The following CMIP variants were observed in gnomAD, a reference collection of about 807,000 sequenced individuals.
The protein encoded by CMIP is C-Maf-inducing protein.
In CMIP, 13 loss-of-function variants were observed where a neutral mutation model predicts 97.3. The observed-to-expected ratio is 0.13, with a 90% CI of 0.09 to 0.21. The LOEUF is 0.21. Among genes scored for constraint, CMIP ranks in the 10% least tolerant of loss-of-function variants. CMIP has a pLI of 1.00. For missense variants in CMIP, 847 were observed against 1,024.9 expected (o/e 0.83, Z 2.37); for synonymous variants, 538 against 436.3 (o/e 1.23, Z -2.91).
chr16:81,661,423 C>T (rs1251792014), intron 6 of CMIP, among the ~76,000 whole-genome samples: 1 of 152,266 alleles, frequency 6.6e-6, no homozygotes, highest in African/African-American at 2.4e-5. Context: ...TCACATAGGA[C>T]ATGTCCAGGG....
At chr16:81,671,436 T>C (rs2092682340) in intron 8 of CMIP, among the ~76,000 whole-genome samples, 1 of 152,246 alleles carries the variant, frequency 6.6e-6, no homozygotes, top group Admixed American at 6.5e-5. Flanking sequence ...AGTAACTATG[T>C]TGGTGACTCT....
intron 1 of CMIP, among the ~76,000 whole-genome samples, chr16:81,595,330 A>C (rs1203153881): frequency 6.6e-6 from 1 of 151,266 alleles, no homozygotes; most frequent in Non-Finnish European, 1.5e-5. Context: ...GAATCATACA[A>C]TGTGTGGTCT....
intron 9 of CMIP, among the ~76,000 whole-genome samples, chr16:81,675,522 A>G (rs986894454): frequency 6.6e-6 from 1 of 152,056 alleles, no homozygotes; most frequent in Non-Finnish European, 1.5e-5. Context: ...CCCGTGTACA[A>G]TGTTTTTGTA....
chr16:81,543,709 C>G (rs1425195353), intron 1 of CMIP, among the ~76,000 whole-genome samples: 4 of 152,180 alleles, frequency 2.6e-5, no homozygotes, highest in African/African-American at 9.7e-5. Context: ...GCTTCTATAT[C>G]AGGCCTAACA....
chr16:81,597,759 A>G (rs570463920), intron 1 of CMIP, among the ~76,000 whole-genome samples: 5 of 152,244 alleles, frequency 3.3e-5, no homozygotes, highest in Admixed American at 2.6e-4. Flanking sequence ...TGGACACTCA[A>G]CTGTCAAAGA....
Position 81,652,147 on chromosome 16 carries a change from C to T in CMIP, c.478-56C>T. ...ATCTGATTCTTTGATTGTCTTCCAT[C>T]TTCTGCCTTCCTTACGTGAGTAACA... On this transcript the variant is annotated intron_variant, in intron 3 of 20. Transcript: ENST00000537098. The surrounding 1 kb of genome is among the most constrained non-coding windows in gnomAD (Gnocchi z 5.2). 1.4e-6 allele frequency: 2 copies of T among 1,419,934 alleles called. No individual in the cohort carries two copies. Among genetic ancestry groups the T allele is most frequent in the Non-Finnish European group, 9.9e-7 (1 of 1,011,062 alleles). 88.0% of individuals were successfully genotyped at this position (1,419,934 alleles called of 1,614,324 possible). A position where few individuals can be genotyped will look rare whatever the true frequency, so the allele number is the denominator to read the frequency against.
chr16:81,628,374 C>G (rs763237535), intron 3 of CMIP, among the ~76,000 whole-genome samples: 1 of 152,234 alleles, frequency 6.6e-6, no homozygotes, highest in Non-Finnish European at 1.5e-5. Flanking sequence ...ACCCCAAGGC[C>G]TTAGCACAAG....
intron 1 of CMIP, among the ~76,000 whole-genome samples, chr16:81,589,211 G>T (rs965516517): frequency 6.6e-6 from 1 of 151,824 alleles, no homozygotes; most frequent in African/African-American, 2.4e-5. Context: ...ATTCTCCTGC[G>T]TCAGCTTCCC....
chr16:81,541,351 G>C (rs1001133433), intron 1 of CMIP, among the ~76,000 whole-genome samples: 9 of 152,128 alleles, frequency 5.9e-5, no homozygotes, highest in Non-Finnish European at 8.8e-5. Flanking sequence ...AGTCTTTTTG[G>C]AGATGTGTTT....
chr16:81,513,985 AC>A (rs2089862254), intron 1 of CMIP, among the ~76,000 whole-genome samples: 1 of 152,206 alleles, frequency 6.6e-6, no homozygotes, highest in African/African-American at 2.4e-5. Context: ...CCCAAAACAG[AC>A]CATGGGGTTT....
intron 1 of CMIP, among the ~76,000 whole-genome samples, chr16:81,527,681 C>T (rs1365191170): frequency 6.6e-6 from 1 of 152,230 alleles, no homozygotes. Context: ...TTCAACTTTA[C>T]AGAAAGCAAA....
At chr16:81,699,614 C>G (rs1046971799) in intron 14 of CMIP, 71 bp from the exon 15 acceptor site, 5 of 1,023,872 alleles carry the variant, frequency 4.9e-6, no homozygotes, top group Non-Finnish European at 4.5e-6. Context: ...CTTGGGCTCA[C>G]TTCCTGCCAG....
At chr16:81,518,822 G>A (rs2089965517) in intron 1 of CMIP, 1 of 149,584 alleles carries the variant, frequency 6.7e-6, no homozygotes, top group Non-Finnish European at 1.5e-5. Flanking sequence ...AACATAGCGA[G>A]ACCTGCATCT....
At chr16:81,552,866 CAG>C (rs376889438) in intron 1 of CMIP, among the ~76,000 whole-genome samples, 13 of 152,174 alleles carry the variant, frequency 8.5e-5, no homozygotes, top group African/African-American at 3.1e-4. Flanking sequence ...TGGCTGGGGA[CAG>C]AGTGCACAAG....
intron 1 of CMIP, among the ~76,000 whole-genome samples, chr16:81,474,691 G>A (rs1907778637): frequency 6.6e-6 from 1 of 152,216 alleles, no homozygotes; most frequent in Non-Finnish European, 1.5e-5. Context: ...GCCTGCGGAG[G>A]GGCCTCAGTG....
Position 81,552,216 on chromosome 16 carries a change from C to T in CMIP, c.301-55351C>T, listed in dbSNP as rs377249304. On this transcript the variant is annotated intron_variant, in intron 1 of 20. Transcript: ENST00000537098. ...TGGAAGGAAGCCAGAACTCTGTGCT[C>T]ATTGGTAGTTGTCTGCCTGTCTCTG... Among the ~76,000 whole-genome samples the T allele has an allele frequency of 3.4e-4, 52 of 152,264 alleles. 1 individual carries two copies. The highest frequency in any genetic ancestry group is 3.4e-3 in the Middle Eastern group (1 of 294).
chr16:81,471,451 T>C (rs1449315314), intron 1 of CMIP, among the ~76,000 whole-genome samples: 1 of 152,240 alleles, frequency 6.6e-6, no homozygotes, highest in Non-Finnish European at 1.5e-5. Context: ...TACATGCATA[T>C]GTACACATAC....
chr16:81,585,161 G>A (rs1288423979), intron 1 of CMIP, among the ~76,000 whole-genome samples: 1 of 152,110 alleles, frequency 6.6e-6, no homozygotes, highest in Non-Finnish European at 1.5e-5. Flanking sequence ...GGCCAATATG[G>A]CAAAACCCTG....
intron 10 of CMIP, among the ~76,000 whole-genome samples, chr16:81,687,935 C>T (rs552741442): frequency 2.6e-5 from 4 of 152,196 alleles, no homozygotes; most frequent in Non-Finnish European, 4.4e-5. Context: ...GCTCCTTGTC[C>T]GTAATTTGGA....
Sources: gnomAD v4.1 joint callset for allele counts (sites outside exome capture counted in the v4.1 genomes callset) on GRCh38, gnomAD v4.1.1 for gene constraint, Gnocchi (gnomAD v3.1) non-coding constraint, MANE v1.5 for transcripts, NCBI Gene and HGNC (gene_info 2026-07-23, HGNC 2026-07-21) for gene names.